The following PPP2R3B variants were observed in gnomAD, a reference collection of about 807,000 sequenced individuals.
PPP2R3B encodes the protein serine/threonine-protein phosphatase 2A regulatory subunit B'' subunit beta.
In PPP2R3B, 68 loss-of-function variants were observed where a neutral mutation model predicts 72.9. That is an observed-to-expected ratio of 0.93 (90% CI 0.77 to 1.14). The LOEUF is 1.14. Ranked by LOEUF, PPP2R3B falls within the 50% of genes most tolerant of loss-of-function variation. The pLI, the probability that PPP2R3B is intolerant of heterozygous loss-of-function variation, is 0.00. For synonymous variants in PPP2R3B, 466 were observed against 375.8 expected (o/e 1.24, Z -2.78); for missense variants, 1,018 against 842.0 (o/e 1.21, Z -2.59).
intron 7 of PPP2R3B, among the ~76,000 whole-genome samples, chrX:344,529 A>C (rs1337788793): frequency 7.9e-5 from 12 of 152,242 alleles, no homozygotes; most frequent in Non-Finnish European, 1.8e-4. Context: ...CCTGGGACCG[A>C]GAGTGGGCTC....
chrX:362,905 G>A (rs995506505), intron 1 of PPP2R3B, among the ~76,000 whole-genome samples: 22 of 146,884 alleles, frequency 1.5e-4, no homozygotes, highest in Admixed American at 1.1e-3. Flanking sequence ...GTCCCACAGC[G>A]CCCCAACTGT....
At chrX:338,523 C>T (rs2070952650) in intron 12 of PPP2R3B, 81 bp downstream of exon 12, 3 of 410,092 alleles carry the variant, frequency 7.3e-6, no homozygotes, top group Non-Finnish European at 1.1e-5. Context: ...CACACACACC[C>T]GTCCTCCCAC....
chrX:386,481 G>C lies in PPP2R3B; in HGVS notation c.211C>G (p.Leu71Val). The C allele has an allele frequency of 7.8e-7, 1 of 1,277,726 alleles. No individual in the cohort carries two copies. Among genetic ancestry groups the C allele is most frequent in the South Asian group, 3.1e-5 (1 of 32,632 alleles). 79.1% of individuals were successfully genotyped at this position (1,277,726 alleles called of 1,614,324 possible). A position where few individuals can be genotyped will look rare whatever the true frequency, so the allele number is the denominator to read the frequency against. The change falls in exon 1 of 13, where the codon CTC becomes GTC. Residue 71 changes from leucine (L) to valine (V), a missense_variant. Physicochemically the swap from Leu to Val is conservative, Grantham distance 32. Transcript: ENST00000390665. ...GGCCCGGGGGTTCCCGGGGGTTCGA[G>C]CCCGCTGGGCCGGGGGGCGGCGAGC... ...APLAAPRPSG[L>V]EPPGTPGPGP...
intron 7 of PPP2R3B, 136 bp downstream of exon 7, chrX:345,380 G>A (rs1603050343): frequency 8.3e-7 from 1 of 1,198,218 alleles, no homozygotes; most frequent in Non-Finnish European, 1.2e-6. Context: ...GACACAGAGC[G>A]GCGAGTGCGA....
At chrX:362,076 T>TGAGAGG (rs1476303417) in intron 1 of PPP2R3B, among the ~76,000 whole-genome samples, 15 of 152,088 alleles carry the variant, frequency 9.9e-5, no homozygotes, top group Admixed American at 9.8e-4. Flanking sequence ...ACTCACATTC[T>TGAGAGG]GAGAGGCAGA....
At chrX:346,817 C>G (rs752644668) in intron 4 of PPP2R3B, 42 bp from the exon 5 acceptor site, 1 of 1,565,916 alleles carries the variant, frequency 6.4e-7, no homozygotes, top group African/African-American at 1.4e-5. Flanking sequence ...TAGACGCCGG[C>G]CCTCCCGTGA....
rs762094858 is a variant in PPP2R3B at position 346,742 on chromosome X, G to C, written c.751C>G (p.Leu251Val). The C allele has an allele frequency of 1.2e-5, 20 of 1,610,616 alleles. No individual in the cohort carries two copies. Among genetic ancestry groups the C allele is most frequent in the Admixed American group, 1.7e-5 (1 of 59,898 alleles). Residue 251 changes from leucine to valine, a missense_variant, in exon 5 of 13, where the codon CTG becomes GTG. By Grantham distance (32) the Leu-to-Val change is conservative. Coordinates refer to ENST00000390665, the MANE Select transcript of PPP2R3B (RefSeq NM_013239.5). The stretch of plus-strand genomic sequence containing the variant: ...GAGTGGAACTCGGACGCCTCCTTCA[G>C]GAACGACAGCCCCGGGTGCGTGTTC... The part of the protein sequence containing the change: ...VVNTHPGLSF[L>V]KEASEFHSRY...
At chrX:360,150 C>G (rs1432742252) in intron 2 of PPP2R3B, among the ~76,000 whole-genome samples, 1 of 152,148 alleles carries the variant, frequency 6.6e-6, no homozygotes, top group Non-Finnish European at 1.5e-5. Flanking sequence ...AGATGAGACA[C>G]AGCGACCATG....
intron 2 of PPP2R3B, among the ~76,000 whole-genome samples, chrX:358,396 C>T (rs932995466): frequency 1.6e-4 from 15 of 91,578 alleles, no homozygotes; most frequent in African/African-American, 4.7e-4. Context: ...GGTGGGTGCT[C>T]GAGCACCATG....
Position 334,512 on chromosome X carries a change from T to C in PPP2R3B, c.1583A>G (p.Glu528Gly), listed in dbSNP as rs781001333. 2.6e-6 allele frequency: 4 copies of C among 1,543,948 alleles called. No homozygotes were observed. The highest frequency in any genetic ancestry group is 3.5e-6 in the Non-Finnish European group (4 of 1,152,214). Residue 528 changes from glutamate to glycine, a missense_variant, in exon 13 of 13, where the codon GAG (glutamate) becomes GGG (glycine). Glu to Gly is a moderately conservative substitution (Grantham distance 98, BLOSUM62 -2). Transcript: ENST00000390665. ...TAGEPWEDGF[E>G]AELSPVEQKL... ...CTGCTCCACAGGGCTGAGCTCGGCC[T>C]CGAACCTGCAACGAGGGGATGGCGA...
intron 7 of PPP2R3B, chrX:344,853 G>T: frequency 3.2e-6 from 1 of 311,082 alleles, no homozygotes; most frequent in South Asian, 2.7e-5. Context: ...GGGGAACCAG[G>T]CGTATTATGA....
intron 1 of PPP2R3B, chrX:374,174 G>T (rs765854583): frequency 6.6e-6 from 1 of 152,426 alleles, no homozygotes; most frequent in East Asian, 1.9e-4. Context: ...AAGAGAGCCT[G>T]GGGACGGCCT....
intron 8 of PPP2R3B, 136 bp from the exon 9 acceptor site, chrX:341,532 C>T: frequency 2.2e-6 from 2 of 890,062 alleles, no homozygotes; most frequent in South Asian, 1.4e-5. Flanking sequence ...CCTGCCCCTC[C>T]TCCTGCCTCT....
chrX:338,637 G>A lies in PPP2R3B; in HGVS notation c.1544C>T (p.Ala515Val), dbSNP rs1222677978. 1.9e-6 allele frequency: 3 copies of A among 1,610,436 alleles called. No individual in the cohort carries two copies. Among genetic ancestry groups the A allele is most frequent in the Non-Finnish European group, 2.5e-6 (3 of 1,179,518 alleles). The stretch of plus-strand genomic sequence containing the variant: ...CCAGGGCTCTCCCGCAGTCTCCTCG[G>A]CCACCAGGATGTCGTACTCCTCGGC... ...YAAEEYDILV[A>V]EETAGEPWED... Residue 515 changes from alanine (A) to valine (V), a missense_variant, in exon 12 of 13, where the codon GCC (alanine) becomes GTC (valine). Physicochemically the swap from Ala to Val is moderately conservative, Grantham distance 64. Coordinates refer to ENST00000390665, the MANE Select transcript of PPP2R3B (RefSeq NM_013239.5).
At chrX:378,025 G>A (rs1379770213) in intron 1 of PPP2R3B, among the ~76,000 whole-genome samples, 1 of 152,082 alleles carries the variant, frequency 6.6e-6, no homozygotes, top group Non-Finnish European at 1.5e-5. Context: ...GGGACGGGCC[G>A]TCCACACTTG....
intron 2 of PPP2R3B, among the ~76,000 whole-genome samples, chrX:358,254 C>T (rs1390222752): frequency 6.6e-6 from 1 of 152,254 alleles, no homozygotes; most frequent in African/African-American, 2.4e-5. Context: ...ACAGGCTCAG[C>T]AGCCTTGGCG....
At chrX:346,444 A>AG (rs2071215920) in intron 5 of PPP2R3B, 184 bp from the exon 6 acceptor site, 4 of 654,232 alleles carry the variant, frequency 6.1e-6, no homozygotes, top group South Asian at 6.0e-5. Flanking sequence ...GAAAGCGGGG[A>AG]GGGTCTGGCC....
intron 2 of PPP2R3B, among the ~76,000 whole-genome samples, chrX:355,367 C>T (rs1233511466): frequency 8.5e-5 from 13 of 152,214 alleles, no homozygotes; most frequent in Admixed American, 2.6e-4. Context: ...TAAGGGAGAG[C>T]TGGACCGCGT....
chrX:338,245 A>G, intron 12 of PPP2R3B: 2 of 431,650 alleles, frequency 4.6e-6, no homozygotes, highest in East Asian at 8.5e-5. Context: ...TGGAATGGCC[A>G]CGGGCCCTGC....
Sources: gnomAD v4.1 joint callset for allele counts (sites outside exome capture counted in the v4.1 genomes callset) on GRCh38, gnomAD v4.1.1 for gene constraint, MANE v1.5 for transcripts, NCBI Gene and HGNC (gene_info 2026-07-23, HGNC 2026-07-21) for gene names.